The following RASAL2 variants were observed in gnomAD, a reference collection of about 807,000 sequenced individuals.
RASAL2 encodes the protein ras GTPase-activating protein nGAP.
A neutral mutation model predicts 128.9 loss-of-function variants in RASAL2; 58 were observed. The ratio of observed to expected loss-of-function variants is 0.45; its 90% CI spans 0.36 to 0.56. The LOEUF (loss-of-function observed/expected upper bound fraction) is 0.56. Ranked by LOEUF, RASAL2 falls within the 20% of genes least tolerant of loss-of-function variation. The pLI, the probability that RASAL2 is intolerant of heterozygous loss-of-function variation, is 0.00. For missense variants in RASAL2, 1,360 were observed against 1,601.6 expected (o/e 0.85, Z 2.57); for synonymous variants, 561 against 580.8 (o/e 0.97, Z 0.49).
rs1661938197 is a variant in RASAL2, at chr1:178,177,599, CT to C, written c.202+82908del. Among the ~76,000 whole-genome samples the C allele has an allele frequency of 2.0e-5, 3 of 152,160 alleles. No individual in the cohort carries two copies. In the South Asian group the frequency reaches 6.2e-4, roughly 32 times the overall value. ...AGGAAGACTTCTCTGAGGAATTGAT[CT>C]TTGAGTTGGGATTAAAGTGGAAAAA... On this transcript the variant is annotated intron_variant, in intron 1 of 17. Transcript: ENST00000367649.
chr1:178,470,106 T>C (rs1339662594), intron 17 of RASAL2, among the ~76,000 whole-genome samples: 1 of 152,238 alleles, frequency 6.6e-6, no homozygotes, highest in Non-Finnish European at 1.5e-5. Context: ...GACTTTTGTA[T>C]CAGATCCTTT....
chr1:178,167,019 A>C (rs749092367), intron 1 of RASAL2, among the ~76,000 whole-genome samples: 2 of 152,066 alleles, frequency 1.3e-5, no homozygotes, highest in Non-Finnish European at 2.9e-5. Flanking sequence ...TCTAGCCCCT[A>C]CTCTGAGGAA....
rs150235134 is a variant in RASAL2 at position 178,168,424 on chromosome 1, C to T, written c.202+73730C>T. Reference sequence around the variant, plus strand: ...TAAATCTTTTTTTTTCCGTTTTATACCTTTAGCTTAATTTCTAGAGGATTG... The same window carrying T: ...TAAATCTTTTTTTTTCCGTTTTATATCTTTAGCTTAATTTCTAGAGGATTG... On this transcript the variant is annotated intron_variant, in intron 1 of 17. Coordinates refer to ENST00000367649, the MANE Select transcript of RASAL2 (RefSeq NM_170692.4). Among the ~76,000 whole-genome samples, 6 of 151,752 alleles carry T rather than the reference C, an allele frequency of 4.0e-5. No homozygotes were observed. The East Asian group carries it at 7.7e-4, about 20-fold the overall frequency.
At chr1:178,407,479 AAT>A (rs1282171844) in intron 4 of RASAL2, among the ~76,000 whole-genome samples, 1 of 152,218 alleles carries the variant, frequency 6.6e-6, no homozygotes, top group Non-Finnish European at 1.5e-5. Flanking sequence ...AAATATGTAA[AAT>A]ACATAGAGAT....
chr1:178,174,209 T>C (rs1661808523), intron 1 of RASAL2, among the ~76,000 whole-genome samples: 1 of 152,060 alleles, frequency 6.6e-6, no homozygotes, highest in African/African-American at 2.4e-5. Context: ...TTCTTATACC[T>C]TTCTCTAAAT....
rs182796191 is a variant in RASAL2 at position 178,372,805 on chromosome 1, G to T, written c.458-17295G>T. ...GATTTCTACTGACTACATAAAATAGGACACATGGACCTCCCATTGCTTTAA... is the reference window on the plus strand; with the variant it reads ...GATTTCTACTGACTACATAAAATAGTACACATGGACCTCCCATTGCTTTAA... On this transcript the variant is annotated intron_variant, in intron 3 of 17. Transcript: ENST00000367649. Among the ~76,000 whole-genome samples the T allele has an allele frequency of 2.9e-3, 441 of 152,170 alleles. 2 individuals carry two copies. The highest frequency in any genetic ancestry group is 0.01 in the African/African-American group (425 of 41,516).
In RASAL2 at chr1:178,152,633, C is replaced by G. The variant is rs901401438; in HGVS notation, c.202+57939C>G. Among the ~76,000 whole-genome samples, 7 of 152,052 alleles carry G rather than the reference C, an allele frequency of 4.6e-5. No homozygotes were observed. In the South Asian group the frequency reaches 6.2e-4, roughly 14 times the overall value. Reference sequence around the variant, plus strand: ...TGAGCCGAGATTGGGCCACTGCACTCTAGCCTGGCAACAGAGCTAGACTCT... The same window carrying G: ...TGAGCCGAGATTGGGCCACTGCACTGTAGCCTGGCAACAGAGCTAGACTCT... On this transcript the variant is annotated intron_variant, in intron 1 of 17. Coordinates refer to ENST00000367649, the MANE Select transcript of RASAL2 (RefSeq NM_170692.4).
At chr1:178,419,104 T>A (rs1035560976) in intron 4 of RASAL2, among the ~76,000 whole-genome samples, 5 of 152,188 alleles carry the variant, frequency 3.3e-5, no homozygotes, top group African/African-American at 1.2e-4. Context: ...TAAAGGAATA[T>A]AAAAGATTTG....
At chr1:178,212,691 C>T (rs754144190) in intron 1 of RASAL2, among the ~76,000 whole-genome samples, 2 of 152,212 alleles carry the variant, frequency 1.3e-5, no homozygotes, top group South Asian at 2.1e-4. Context: ...GGGGTCTCAC[C>T]GTATTGGCCA....
At chr1:178,387,496 G>T (rs1303073643) in intron 3 of RASAL2, among the ~76,000 whole-genome samples, 1 of 151,904 alleles carries the variant, frequency 6.6e-6, no homozygotes, top group Non-Finnish European at 1.5e-5. Flanking sequence ...TTAGCATTAG[G>T]TATATCTCCT....
chr1:178,231,074 G>A (rs2102022435), intron 1 of RASAL2, among the ~76,000 whole-genome samples: 1 of 152,210 alleles, frequency 6.6e-6, no homozygotes, highest in Non-Finnish European at 1.5e-5. Context: ...AGATCTTATC[G>A]GGAAGCTGCT....
rs114676138 is a variant in RASAL2 at position 178,477,479 on chromosome 1, A to G, written c.*4240A>G. On this transcript the variant is annotated 3_prime_UTR_variant, in exon 18 of 18. Coordinates refer to ENST00000367649, the MANE Select transcript of RASAL2 (RefSeq NM_170692.4). ...AAAAGTGATGAAATTTGCATGAGAT[A>G]GAATAAATATCTTAGGAGGAGTGAA... The G allele has an allele frequency of 1.0e-3, 155 of 152,372 alleles. 1 individual carries two copies. Among genetic ancestry groups the G allele is most frequent in the African/African-American group, 3.5e-3 (144 of 41,588 alleles). 9.4% of individuals were successfully genotyped at this position (152,372 alleles called of 1,614,324 possible). A position where few individuals can be genotyped will look rare whatever the true frequency, so the allele number is the denominator to read the frequency against.
intron 4 of RASAL2, among the ~76,000 whole-genome samples, chr1:178,403,857 C>T (rs922990139): frequency 2.0e-5 from 3 of 151,634 alleles, no homozygotes; most frequent in South Asian, 2.1e-4. Flanking sequence ...TTAATAATTG[C>T]GTGACAAAAA....
chr1:178,443,774 A>C (rs1363729342), intron 8 of RASAL2, among the ~76,000 whole-genome samples: 3 of 152,160 alleles, frequency 2.0e-5, no homozygotes, highest in Non-Finnish European at 1.5e-5. Flanking sequence ...GATAGAAGTA[A>C]AAACTCAGGA....
At chr1:178,227,687 A>G (rs1427794832) in intron 1 of RASAL2, among the ~76,000 whole-genome samples, 1 of 152,212 alleles carries the variant, frequency 6.6e-6, no homozygotes, top group East Asian at 1.9e-4. Flanking sequence ...GTAATTGCAT[A>G]TTTATTCAGA....
intron 1 of RASAL2, among the ~76,000 whole-genome samples, chr1:178,224,263 G>C (rs1228847850): frequency 2.0e-5 from 3 of 151,054 alleles, no homozygotes. Context: ...TGTTCATTAT[G>C]GTTTTAGGAG....
At chr1:178,266,936 G>T (rs1021128277) in intron 1 of RASAL2, among the ~76,000 whole-genome samples, 1 of 152,154 alleles carries the variant, frequency 6.6e-6, no homozygotes, top group African/African-American at 2.4e-5. Context: ...GGTAGGAATC[G>T]CCATGCTGGG....
intron 1 of RASAL2, among the ~76,000 whole-genome samples, chr1:178,179,687 A>AG: frequency 6.6e-6 from 1 of 152,322 alleles, no homozygotes; most frequent in Non-Finnish European, 1.5e-5. Flanking sequence ...CACTTTCAAG[A>AG]GGACACCTAG....
At chr1:178,212,584 T>TGGGTTCAA (rs1305308149) in intron 1 of RASAL2, among the ~76,000 whole-genome samples, 1 of 151,802 alleles carries the variant, frequency 6.6e-6, no homozygotes, top group East Asian at 2.0e-4. Context: ...GTCCGCCTCC[T>TGGGTTCAA]GGGTTCAAGC....
Sources: allele counts gnomAD v4.1 joint callset (sites outside exome capture counted in the v4.1 genomes callset), GRCh38; gene constraint gnomAD v4.1.1; transcripts MANE v1.5; gene names NCBI Gene and HGNC (gene_info 2026-07-23, HGNC 2026-07-21).